The following ZKSCAN1 variants were observed in gnomAD, a reference collection of about 807,000 sequenced individuals.
ZKSCAN1 encodes the protein zinc finger with KRAB and SCAN domains 1.
In ZKSCAN1, 14 loss-of-function variants were observed where a neutral mutation model predicts 51.6. The observed-to-expected ratio is 0.27, with a 90% CI of 0.18 to 0.42. The LOEUF (loss-of-function observed/expected upper bound fraction) is 0.42. Ranked by LOEUF, ZKSCAN1 falls within the 10% of genes least tolerant of loss-of-function variation. The probability of loss-of-function intolerance (pLI) is 1.00; values close to 1 mark genes in which losing one functional copy is unlikely to be tolerated. For missense variants in ZKSCAN1, 531 were observed against 710.0 expected, an observed-to-expected ratio of 0.75 and a Z score of 2.86; for synonymous variants, 263 against 261.5, an observed-to-expected ratio of 1.01 and a Z score of -0.06.
chr7:100,028,846 TAGAG>T (rs1332540610), intron 3 of ZKSCAN1, among the ~76,000 whole-genome samples: 2 of 136,168 alleles, frequency 1.5e-5, no homozygotes, highest in Non-Finnish European at 3.2e-5. Context: ...GGGAGAAAAG[TAGAG>T]GGACAAAAAC....
At chr7:100,018,709 A>G (rs1030867172) in intron 1 of ZKSCAN1, among the ~76,000 whole-genome samples, 4 of 152,156 alleles carry the variant, frequency 2.6e-5, no homozygotes, top group Non-Finnish European at 1.5e-5. Flanking sequence ...TTACCTAGCA[A>G]ATGTTTGGTG....
Position 100,037,303 on chromosome 7 carries a change from G to T in ZKSCAN1, c.*3106G>T, listed in dbSNP as rs1008897270. On this transcript the variant is annotated 3_prime_UTR_variant, in exon 6 of 6. Transcript: ENST00000324306. ...GTTTTTCAATATATACCCTACCCTTGCCAGGAAGAGAAGTAAAATCCTCAG... is the reference window on the plus strand; with the variant it reads ...GTTTTTCAATATATACCCTACCCTTTCCAGGAAGAGAAGTAAAATCCTCAG... 1.0e-6 allele frequency: 1 copy of T among 985,222 alleles called. No homozygotes were observed. The highest frequency in any genetic ancestry group is 1.7e-5 in the African/African-American group (1 of 57,196). 61.0% of individuals were successfully genotyped at this position (985,222 alleles called of 1,614,324 possible). A position where few individuals can be genotyped will look rare whatever the true frequency, so the allele number is the denominator to read the frequency against.
chr7:100,026,597 A>G (rs1478377679), intron 3 of ZKSCAN1, among the ~76,000 whole-genome samples: 4 of 151,856 alleles, frequency 2.6e-5, no homozygotes, highest in Admixed American at 1.3e-4. Context: ...GTGGTGGTGC[A>G]TGCCTGTAAT....
chr7:100,037,102 T>C lies in ZKSCAN1; in HGVS notation c.*2905T>C. 3 of 985,422 alleles carry C rather than the reference T, an allele frequency of 3.0e-6. No homozygotes were observed. Among genetic ancestry groups the C allele is most frequent in the Non-Finnish European group, 3.6e-6 (3 of 829,938 alleles). 61.0% of individuals were successfully genotyped at this position (985,422 alleles called of 1,614,324 possible). On this transcript the variant is annotated 3_prime_UTR_variant, in exon 6 of 6. Coordinates refer to ENST00000324306, the MANE Select transcript of ZKSCAN1 (RefSeq NM_003439.4). ...TTAAAACCACTTGCAGTGCATTCGTTTATCAGATGCTCAGTGCAAAGTGTA... is the reference window on the plus strand; with the variant it reads ...TTAAAACCACTTGCAGTGCATTCGTCTATCAGATGCTCAGTGCAAAGTGTA...
Position 100,036,833 on chromosome 7 carries a change from G to GAT in ZKSCAN1, c.*2636_*2637insAT. 2 of 923,014 alleles carry GAT rather than the reference G, an allele frequency of 2.2e-6. No individual in the cohort carries two copies. Among genetic ancestry groups the GAT allele is most frequent in the Non-Finnish European group, 2.6e-6 (2 of 775,362 alleles). The allele number at this position is 923,014 out of a possible 1,614,324, so 57.2% of individuals were successfully genotyped here. The stretch of plus-strand genomic sequence containing the variant: ...TTGGTCATGTTTACATTGGCCTTTG[G>GAT]TTTTTTTTTTTCTTTCAGCCACAAC... On this transcript the variant is annotated 3_prime_UTR_variant, in exon 6 of 6. Transcript: ENST00000324306.
At position 100,023,475 on chromosome 7, in the gene ZKSCAN1, C is replaced by G; in HGVS notation, c.-32C>G. The G allele has an allele frequency of 6.3e-7, 1 of 1,585,894 alleles. No homozygotes were observed. ...CAGGACATAAAGGTGAGCACAGACC[C>G]TGTTTGGATCAAGTCAGTTCCTGGA... On this transcript the variant is annotated 5_prime_UTR_variant, in exon 2 of 6. Coordinates refer to ENST00000324306, the MANE Select transcript of ZKSCAN1 (RefSeq NM_003439.4).
downstream of ZKSCAN1, among the ~76,000 whole-genome samples, chr7:100,044,587 A>C (rs1366363482): frequency 6.6e-6 from 1 of 150,828 alleles, no homozygotes; most frequent in Non-Finnish European, 1.5e-5. Context: ...AGGCTGAGGC[A>C]GGAGAATGGC....
intron 3 of ZKSCAN1, among the ~76,000 whole-genome samples, chr7:100,029,192 T>A (rs987411234): frequency 6.8e-6 from 1 of 147,432 alleles, no homozygotes; most frequent in Non-Finnish European, 1.5e-5. Context: ...AAAAAAAACT[T>A]ACCCAGAGCT....
rs762521685 is a variant in ZKSCAN1, at chr7:100,038,196, AC to A, written c.*4001del. ...ACCATAATGTCCGTGTGTGTTTTGT[AC>A]CTTCAGTCCCTTGTTATTGTTCCGT... is the stretch of plus-strand genomic sequence containing the variant. On this transcript the variant is annotated 3_prime_UTR_variant, in exon 6 of 6. Coordinates refer to ENST00000324306, the MANE Select transcript of ZKSCAN1 (RefSeq NM_003439.4). 32 of 985,296 alleles carry A rather than the reference AC, an allele frequency of 3.2e-5. No individual in the cohort carries two copies. Among genetic ancestry groups the A allele is most frequent in the Admixed American group, 6.2e-5 (1 of 16,252 alleles). 61.0% of individuals were successfully genotyped at this position (985,296 alleles called of 1,614,324 possible).
At chr7:100,030,409 T>C in intron 5 of ZKSCAN1, 34 bp downstream of exon 5, 1 of 1,597,336 alleles carries the variant, frequency 6.3e-7, no homozygotes, top group Non-Finnish European at 8.5e-7. Context: ...TCTGATAAGA[T>C]GGTTTTGTCT....
In ZKSCAN1 at chr7:100,034,568, AT is replaced by A. The variant is rs2115946402; in HGVS notation, c.*372del. ...GATCAAGATTGGCTCCACGAAAGTG[AT>A]ACGGAGGTTAGGATGCTACTTGCTG... On this transcript the variant is annotated 3_prime_UTR_variant, in exon 6 of 6. Transcript: ENST00000324306. 9.9e-7 allele frequency: 1 copy of A among 1,006,736 alleles called. No homozygotes were observed. Among genetic ancestry groups the A allele is most frequent in the African/African-American group, 1.7e-5 (1 of 58,052 alleles). 62.4% of individuals were successfully genotyped at this position (1,006,736 alleles called of 1,614,324 possible).
In ZKSCAN1 at chr7:100,034,656, C is replaced by A; in HGVS notation, c.*459C>A. 1.1e-3 allele frequency: 632 copies of A among 585,340 alleles called. No homozygotes were observed. Among genetic ancestry groups the A allele is most frequent in the Middle Eastern group, 1.7e-3 (2 of 1,170 alleles). 36.3% of individuals were successfully genotyped at this position (585,340 alleles called of 1,614,324 possible). On this transcript the variant is annotated 3_prime_UTR_variant, in exon 6 of 6. Transcript: ENST00000324306. ...TCTCAAAAAAGAGGGACAGTGAAAA[C>A]AAAAACGACATTGGGACATGCTGCT...
At position 100,038,734 on chromosome 7, in the gene ZKSCAN1, G is replaced by T; in HGVS notation, c.*4537G>T. ...GATAAGGCTGGGCACAGTGGCTCAG[G>T]CCTGTAATCCCAGCACTTTGGGAGA... On this transcript the variant is annotated 3_prime_UTR_variant, in exon 6 of 6. Coordinates refer to ENST00000324306, the MANE Select transcript of ZKSCAN1 (RefSeq NM_003439.4). 2.0e-6 allele frequency: 2 copies of T among 985,468 alleles called. No individual in the cohort carries two copies. The highest frequency in any genetic ancestry group is 2.4e-6 in the Non-Finnish European group (2 of 829,984). 61.0% of individuals were successfully genotyped at this position (985,468 alleles called of 1,614,324 possible).
In ZKSCAN1 at chr7:100,039,412, T is replaced by C; in HGVS notation, c.*5215T>C. 1.0e-6 allele frequency: 1 copy of C among 985,430 alleles called. No individual in the cohort carries two copies. Among genetic ancestry groups the C allele is most frequent in the Non-Finnish European group, 1.2e-6 (1 of 829,946 alleles). The allele number at this position is 985,430 out of a possible 1,614,324, so 61.0% of individuals were successfully genotyped here. A position where few individuals can be genotyped will look rare whatever the true frequency, so the allele number is the denominator to read the frequency against. Reference sequence around the variant, plus strand: ...TGTGCAGATGCATCCAGTCGTGGCATTGCAAGAAGTCTGTCTGATGAAGCT... The same window carrying C: ...TGTGCAGATGCATCCAGTCGTGGCACTGCAAGAAGTCTGTCTGATGAAGCT... On this transcript the variant is annotated 3_prime_UTR_variant, in exon 6 of 6. Coordinates refer to ENST00000324306, the MANE Select transcript of ZKSCAN1 (RefSeq NM_003439.4).
intron 3 of ZKSCAN1, 44 bp downstream of exon 3, chr7:100,024,351 A>G: frequency 2.5e-6 from 4 of 1,604,414 alleles, no homozygotes; most frequent in Non-Finnish European, 3.4e-6. Context: ...ATGATTCAGG[A>G]CGAGAGTCTT....
intron 4 of ZKSCAN1, 75 bp from the exon 5 acceptor site, chr7:100,030,173 TC>T: frequency 6.4e-7 from 1 of 1,568,942 alleles, no homozygotes; most frequent in East Asian, 2.3e-5. Flanking sequence ...CCACCTCTCT[TC>T]CTGACTCCAG....
chr7:100,028,623 A>G (rs945424512), intron 3 of ZKSCAN1, among the ~76,000 whole-genome samples: 1 of 152,142 alleles, frequency 6.6e-6, no homozygotes, highest in Non-Finnish European at 1.5e-5. Flanking sequence ...ACATTTCCAA[A>G]TCTAATAGTA....
In ZKSCAN1 at chr7:100,036,265, C is replaced by T; in HGVS notation, c.*2068C>T. On this transcript the variant is annotated 3_prime_UTR_variant, in exon 6 of 6. Transcript: ENST00000324306. The stretch of plus-strand genomic sequence containing the variant: ...TCAACCAGTCACTAGGATATTTCTA[C>T]CCATGCAACGGAAGAAAAACCCATT... 1 of 985,346 alleles carries T rather than the reference C, an allele frequency of 1.0e-6. No homozygotes were observed. Among genetic ancestry groups the T allele is most frequent in the Non-Finnish European group, 1.2e-6 (1 of 829,928 alleles). 61.0% of individuals were successfully genotyped at this position (985,346 alleles called of 1,614,324 possible). A position where few individuals can be genotyped will look rare whatever the true frequency, so the allele number is the denominator to read the frequency against.
At chr7:100,044,111 G>A (rs983291966), downstream of ZKSCAN1, among the ~76,000 whole-genome samples, 4 of 152,066 alleles carry the variant, frequency 2.6e-5, no homozygotes, top group Admixed American at 2.6e-4. Context: ...ATCTGGTCAG[G>A]TTCCTTGTCC....
Sources: allele counts gnomAD v4.1 joint callset (sites outside exome capture counted in the v4.1 genomes callset), GRCh38; gene constraint gnomAD v4.1.1; transcripts MANE v1.5; gene names NCBI Gene and HGNC (gene_info 2026-07-23, HGNC 2026-07-21).